The following OPCML variants were observed in gnomAD, a reference collection of about 807,000 sequenced individuals.
The protein encoded by OPCML is opioid binding protein/cell adhesion molecule like.
OPCML carries 13 observed loss-of-function variants against 37.8 expected under a neutral mutation model. The observed-to-expected ratio is 0.34, with a 90% CI of 0.22 to 0.55. The LOEUF (loss-of-function observed/expected upper bound fraction) is 0.55. OPCML is among the 20% of genes least tolerant of loss of function. The pLI, the probability that OPCML is intolerant of heterozygous loss-of-function variation, is 0.91. For missense variants in OPCML, 341 were observed against 435.6 expected (o/e 0.78, Z 1.93); for synonymous variants, 176 against 168.8 (o/e 1.04, Z -0.33).
intron 2 of OPCML, among the ~76,000 whole-genome samples, chr11:132,923,230 G>C (rs143354116): frequency 1.1e-3 from 168 of 151,736 alleles, no homozygotes; most frequent in African/African-American, 3.9e-3. Flanking sequence ...ACACTAAAAA[G>C]GTCAGACACA....
chr11:133,220,177 C>T (rs1366371057), intron 1 of OPCML, among the ~76,000 whole-genome samples: 1 of 152,136 alleles, frequency 6.6e-6, no homozygotes, highest in Non-Finnish European at 1.5e-5. Flanking sequence ...CTGGATTCTA[C>T]ATTGGGAGCC....
chr11:133,127,373 G>T (rs1434987714), intron 1 of OPCML, among the ~76,000 whole-genome samples: 3 of 152,082 alleles, frequency 2.0e-5, no homozygotes, highest in South Asian at 2.1e-4. Context: ...AGCTCATGCT[G>T]GTCATCTCCC....
intron 3 of OPCML, among the ~76,000 whole-genome samples, chr11:132,576,386 C>CT (rs934663794): frequency 2.3e-4 from 34 of 147,420 alleles, no homozygotes; most frequent in African/African-American, 4.9e-4. Context: ...TTTGCAAATC[C>CT]TTTTTTTTTT....
intron 3 of OPCML, among the ~76,000 whole-genome samples, chr11:132,643,060 C>T (rs1300646877): frequency 1.3e-5 from 2 of 152,130 alleles, no homozygotes; most frequent in Non-Finnish European, 1.5e-5. Context: ...CTGGCCTGCT[C>T]CTGCTGTGCC....
chr11:133,190,885 G>A (rs1489788325), intron 1 of OPCML, among the ~76,000 whole-genome samples: 1 of 151,822 alleles, frequency 6.6e-6, no homozygotes, highest in Non-Finnish European at 1.5e-5. Context: ...CATTATTCAA[G>A]TATCTTTTAA....
chr11:132,980,674 T>C (rs150187951), intron 1 of OPCML, among the ~76,000 whole-genome samples: 6 of 152,102 alleles, frequency 3.9e-5, no homozygotes, highest in Admixed American at 1.3e-4. Context: ...ATCTCCATTC[T>C]CCCTCGGTGG....
intron 1 of OPCML, among the ~76,000 whole-genome samples, chr11:133,054,173 C>A (rs1176125328): frequency 6.6e-6 from 1 of 152,184 alleles, no homozygotes; most frequent in Admixed American, 6.5e-5. Flanking sequence ...AGGACCACTG[C>A]AGCAGGCTCT....
chr11:133,339,650 G>A (rs940423851), intron 1 of OPCML, among the ~76,000 whole-genome samples: 8 of 152,098 alleles, frequency 5.3e-5, no homozygotes, highest in East Asian at 1.9e-4. Flanking sequence ...AGTCCAGCCC[G>A]CTGCTCTGCA....
intron 1 of OPCML, among the ~76,000 whole-genome samples, chr11:133,343,347 C>T (rs1330838048): frequency 6.6e-6 from 1 of 152,166 alleles, no homozygotes; most frequent in Admixed American, 6.5e-5. Context: ...ATCTTTCCAT[C>T]TACCCATGTC....
intron 2 of OPCML, among the ~76,000 whole-genome samples, chr11:132,856,975 C>T (rs888751504): frequency 1.3e-5 from 2 of 152,232 alleles, no homozygotes; most frequent in East Asian, 1.9e-4. Flanking sequence ...AAACTTGCCT[C>T]AATCTCTCAC....
intron 1 of OPCML, among the ~76,000 whole-genome samples, chr11:133,070,759 G>C (rs1373395959): frequency 6.6e-6 from 1 of 152,212 alleles, no homozygotes; most frequent in East Asian, 1.9e-4. Flanking sequence ...GGTCTGGGCA[G>C]GCAGCTGAAA....
chr11:132,474,850 G>T (rs1469625826), intron 4 of OPCML, among the ~76,000 whole-genome samples: 1 of 152,126 alleles, frequency 6.6e-6, no homozygotes. Context: ...GGTGTAAAAC[G>T]CCTAGTCATA....
chr11:132,491,709 G>C (rs2096216263), intron 4 of OPCML, among the ~76,000 whole-genome samples: 2 of 152,186 alleles, frequency 1.3e-5, no homozygotes, highest in East Asian at 1.9e-4. Flanking sequence ...ACTGTTCTAG[G>C]GGTGGGGTCT....
chr11:133,470,367 T>C (rs562676794), intron 1 of OPCML, among the ~76,000 whole-genome samples: 2 of 152,244 alleles, frequency 1.3e-5, no homozygotes, highest in South Asian at 2.1e-4. Flanking sequence ...TAATCTGAAA[T>C]TATTTGCTTA....
chr11:133,146,810 C>A (rs1949904493), intron 1 of OPCML, among the ~76,000 whole-genome samples: 1 of 152,204 alleles, frequency 6.6e-6, no homozygotes, highest in Non-Finnish European at 1.5e-5. Context: ...GAACTCCCCC[C>A]AGCACAGGCC....
At chr11:132,923,964 T>C (rs964221007) in intron 2 of OPCML, among the ~76,000 whole-genome samples, 2 of 151,830 alleles carry the variant, frequency 1.3e-5, no homozygotes, top group African/African-American at 4.8e-5. Flanking sequence ...AGTTTCTCCA[T>C]GTTGGTCAGG....
At chr11:132,818,548 C>T (rs1341649255) in intron 2 of OPCML, among the ~76,000 whole-genome samples, 1 of 151,006 alleles carries the variant, frequency 6.6e-6, no homozygotes, top group Admixed American at 6.6e-5. Flanking sequence ...GCCAGTCTTG[C>T]TCGCCGTGTG....
chr11:133,363,717 C>A (rs989548148), intron 1 of OPCML, among the ~76,000 whole-genome samples: 12 of 152,170 alleles, frequency 7.9e-5, no homozygotes, highest in Non-Finnish European at 1.5e-4. Context: ...GAAAAGGAAT[C>A]CCCCTCCCAC....
chr11:132,568,215 T>C (rs2096429006), intron 3 of OPCML, among the ~76,000 whole-genome samples: 1 of 152,188 alleles, frequency 6.6e-6, no homozygotes, highest in South Asian at 2.1e-4. Flanking sequence ...AAGCTTATCC[T>C]AAGGAAATAA....
Sources: allele counts gnomAD v4.1 joint callset (sites outside exome capture counted in the v4.1 genomes callset), GRCh38; gene constraint gnomAD v4.1.1; transcripts MANE v1.5; gene names NCBI Gene and HGNC (gene_info 2026-07-23, HGNC 2026-07-21).